NUP133: variants seen among roughly 807,000 people sequenced by gnomAD.
NUP133 encodes nucleoporin 133.
Under a neutral mutation model 146.2 loss-of-function variants are expected in NUP133, and 66 were observed. The ratio of observed to expected loss-of-function variants is 0.45; its 90% CI spans 0.37 to 0.55. NUP133 has a LOEUF of 0.55. NUP133 is among the 20% of genes least tolerant of loss of function. NUP133 has a pLI of 0.00. For missense variants in NUP133, 1,277 were observed against 1,374.8 expected (o/e 0.93, Z 1.12); for synonymous variants, 521 against 498.8 (o/e 1.04, Z -0.59).
Position 229,463,694 on chromosome 1 carries a change from G to C in NUP133, c.2552-18C>G, listed in dbSNP as rs1326908984. 1 of 1,575,462 alleles carries C rather than the reference G, an allele frequency of 6.3e-7. No homozygotes were observed. Among genetic ancestry groups the C allele is most frequent in the African/African-American group, 1.4e-5 (1 of 72,420 alleles). On this transcript the variant is annotated intron_variant, in intron 18 of 25. Coordinates refer to ENST00000261396, the MANE Select transcript of NUP133 (RefSeq NM_018230.3). ...TAGTGAAACTGTGGGAATGAGAAAA[G>C]ATGGGAAAAAATCCTGTTAGCAAAA... is the stretch of plus-strand genomic sequence containing the variant.
intron 1 of NUP133, 23 bp from the exon 2 acceptor site, chr1:229,506,181 C>A: frequency 7.4e-7 from 1 of 1,342,782 alleles, no homozygotes. Context: ...GTCTATATTA[C>A]CTTACTTGTA....
At position 229,507,855 on chromosome 1, in the gene NUP133, C is replaced by T. The variant is rs562969119; in HGVS notation, c.182+213G>A. 10 of 928,102 alleles carry T rather than the reference C, an allele frequency of 1.1e-5. No individual in the cohort carries two copies. In the African/African-American group the frequency reaches 1.4e-4, roughly 13 times the overall value. The allele number at this position is 928,102 out of a possible 1,614,324, so 57.5% of individuals were successfully genotyped here. A position where few individuals can be genotyped will look rare whatever the true frequency, so the allele number is the denominator to read the frequency against. On this transcript the variant is annotated intron_variant, in intron 1 of 25. Coordinates refer to ENST00000261396, the MANE Select transcript of NUP133 (RefSeq NM_018230.3). ...GTACTTCACTTCTGCACAAAGGTAT[C>T]CATGAAAAATGCAAAGTGGGGAATC...
chr1:229,449,591 G>C (rs1053506199), intron 23 of NUP133, among the ~76,000 whole-genome samples: 8 of 151,298 alleles, frequency 5.3e-5, no homozygotes, highest in Admixed American at 2.0e-4. Context: ...GACTGGTCTC[G>C]AACTTCTGAC....
At chr1:229,468,460 T>C (rs1660875248) in intron 15 of NUP133, among the ~76,000 whole-genome samples, 4 of 152,194 alleles carry the variant, frequency 2.6e-5, no homozygotes, top group Admixed American at 2.6e-4. Flanking sequence ...GAAATGAAGA[T>C]AAATAGTGAC....
chr1:229,469,785 C>T (rs975676272), intron 15 of NUP133, among the ~76,000 whole-genome samples: 1 of 152,244 alleles, frequency 6.6e-6, no homozygotes, highest in Admixed American at 6.5e-5. Flanking sequence ...CAAGGGAGCC[C>T]ATTCAGGAAG....
rs1233347772 is a variant in NUP133, at chr1:229,464,864, G to A, written c.2311C>T (p.Pro771Ser). 6.2e-7 allele frequency: 1 copy of A among 1,614,002 alleles called. No individual in the cohort carries two copies. The highest frequency in any genetic ancestry group is 8.5e-7 in the Non-Finnish European group (1 of 1,179,890). ...EYVPWTATSG[P>S]GGIRTVIIRQ... ...ATTATTACCGTTCGGATGCCACCAG[G>A]ACCACTTGTTGCTGTGAAATTACAC... The change falls in exon 18 of 26, where the codon CCT becomes TCT. Residue 771 changes from proline (P) to serine (S), a missense_variant. Pro to Ser is a moderately conservative substitution (Grantham distance 74). Transcript: ENST00000261396.
intron 24 of NUP133, chr1:229,448,810 G>A (rs950926863): frequency 2.9e-6 from 1 of 350,330 alleles, no homozygotes; most frequent in Non-Finnish European, 5.2e-6. Context: ...CAAACCCAAG[G>A]AGGGGGTTGT....
At chr1:229,446,371 T>G (rs1214331543) in intron 24 of NUP133, among the ~76,000 whole-genome samples, 1 of 151,746 alleles carries the variant, frequency 6.6e-6, no homozygotes, top group Non-Finnish European at 1.5e-5. Flanking sequence ...ATTGAGCCAC[T>G]GCACTCCAGC....
At chr1:229,480,297 G>A (rs1281467822) in intron 12 of NUP133, among the ~76,000 whole-genome samples, 1 of 152,160 alleles carries the variant, frequency 6.6e-6, no homozygotes, top group African/African-American at 2.4e-5. Context: ...GGTAGAACAG[G>A]AGACACAGCT....
Position 229,463,549 on chromosome 1 carries a change from A to G in NUP133, c.2679T>C (p.Ala893=). The G allele has an allele frequency of 6.2e-7, 1 of 1,613,848 alleles. No individual in the cohort carries two copies. The highest frequency in any genetic ancestry group is 8.5e-7 in the Non-Finnish European group (1 of 1,179,908). ...CACACCCAACACTCATCACCTGATC[A>G]GCAAACTGGGTCATGTAGCGCTGGA... ...SRLQRYMTQF[A]DQNFSDFLFR... The change falls in exon 19 of 26, where the codon GCT becomes GCC. Residue 893 remains alanine (A), a synonymous_variant. Coordinates refer to ENST00000261396, the MANE Select transcript of NUP133 (RefSeq NM_018230.3).
intron 12 of NUP133, among the ~76,000 whole-genome samples, chr1:229,482,657 A>G (rs1661243408): frequency 6.6e-6 from 1 of 152,206 alleles, no homozygotes; most frequent in East Asian, 1.9e-4. Context: ...TAGAGCAGCA[A>G]GTGTGACCAA....
intron 1 of NUP133, among the ~76,000 whole-genome samples, chr1:229,507,443 G>C (rs1255193826): frequency 2.6e-5 from 4 of 151,806 alleles, no homozygotes; most frequent in Non-Finnish European, 5.9e-5. Context: ...GTGGGGAGGG[G>C]TGTGTGTGTG....
intron 12 of NUP133, among the ~76,000 whole-genome samples, chr1:229,482,635 C>T (rs1391862063): frequency 6.6e-6 from 1 of 152,060 alleles, no homozygotes; most frequent in African/African-American, 2.4e-5. Flanking sequence ...TGCCTTAAAC[C>T]CAGAAGAGTA....
At chr1:229,452,494 A>T (rs771289756) in intron 22 of NUP133, 31 bp downstream of exon 22, 1 of 1,546,224 alleles carries the variant, frequency 6.5e-7, no homozygotes, top group Admixed American at 1.7e-5. Context: ...TGAGTTTAAG[A>T]AATAGCGTTA....
At chr1:229,506,898 C>T (rs184210197) in intron 1 of NUP133, among the ~76,000 whole-genome samples, 152 of 150,850 alleles carry the variant, frequency 1.0e-3, no homozygotes, top group African/African-American at 3.5e-3. Flanking sequence ...TCAGCTGTTA[C>T]ATGGTCCTCA....
At position 229,475,881 on chromosome 1, in the gene NUP133, G is replaced by T. The variant is rs1661063031; in HGVS notation, c.1757-149C>A. On this transcript the variant is annotated intron_variant, in intron 13 of 25. Transcript: ENST00000261396. Reference sequence around the variant, plus strand: ...TCCGAGCACTTTGGGAGGTCGAGGTGGGCAGATCACGAGGTCAAGAGATCG... The same window carrying T: ...TCCGAGCACTTTGGGAGGTCGAGGTTGGCAGATCACGAGGTCAAGAGATCG... 16 of 612,186 alleles carry T rather than the reference G, an allele frequency of 2.6e-5. 1 individual carries two copies. The South Asian group carries it at 3.0e-4, about 11-fold the overall frequency. The allele number at this position is 612,186 out of a possible 1,614,324, so 37.9% of individuals were successfully genotyped here.
At chr1:229,449,851 T>TATATATATATATATA (rs1660401047) in intron 23 of NUP133, among the ~76,000 whole-genome samples, 3 of 67,624 alleles carry the variant, frequency 4.4e-5, no homozygotes, top group African/African-American at 2.1e-4. Flanking sequence ...TATGAAGATT[T>TATATATATATATATA]TATATATATA....
chr1:229,461,008 G>A (rs1338469413), intron 19 of NUP133, among the ~76,000 whole-genome samples: 8 of 152,136 alleles, frequency 5.3e-5, no homozygotes, highest in South Asian at 2.1e-4. Context: ...CTAGATGTGC[G>A]CTGGCCAATA....
chr1:229,494,310 T>C (rs114047023), intron 8 of NUP133, among the ~76,000 whole-genome samples: 194 of 152,298 alleles, frequency 1.3e-3, no homozygotes, highest in African/African-American at 4.0e-3. Flanking sequence ...ATAGCTTTTA[T>C]AAGGTTTTCA....
Sources: gnomAD v4.1 joint callset for allele counts (sites outside exome capture counted in the v4.1 genomes callset) on GRCh38, gnomAD v4.1.1 for gene constraint, MANE v1.5 for transcripts, NCBI Gene and HGNC (gene_info 2026-07-23, HGNC 2026-07-21) for gene names.